MACROD2: variants seen among roughly 807,000 people sequenced by gnomAD.
MACROD2 encodes mono-ADP ribosylhydrolase 2.
In MACROD2, 36 loss-of-function variants were observed where a neutral mutation model predicts 70.4. The ratio of observed to expected loss-of-function variants is 0.51; its 90% CI spans 0.39 to 0.68. MACROD2 has a LOEUF of 0.68. MACROD2 is among the 30% of genes least tolerant of loss of function. The probability of loss-of-function intolerance (pLI) is 0.00; values close to 1 mark genes in which losing one functional copy is unlikely to be tolerated. For synonymous variants in MACROD2, 172 were observed against 178.8 expected, an observed-to-expected ratio of 0.96 and a Z score of 0.30; for missense variants, 496 against 538.4, an observed-to-expected ratio of 0.92 and a Z score of 0.78.
chr20:14,288,562 G>T (rs928878277), intron 3 of MACROD2, among the ~76,000 whole-genome samples: 2 of 152,138 alleles, frequency 1.3e-5, no homozygotes, highest in Non-Finnish European at 2.9e-5. Context: ...GACAGGAGCT[G>T]GTCTCTTCAG....
rs1404105619 is a variant in MACROD2 at position 14,406,314 on chromosome 20, A to G, written c.272-87165A>G. Among the ~76,000 whole-genome samples the G allele has an allele frequency of 2.0e-5, 3 of 152,236 alleles. No homozygotes were observed. In the South Asian group the frequency reaches 6.2e-4, roughly 31 times the overall value. Reference sequence around the variant, plus strand: ...TAAAATTATTTAAATATCACCTTTTACCTATGGAAAAGGCAAATATGTATT... The same window carrying G: ...TAAAATTATTTAAATATCACCTTTTGCCTATGGAAAAGGCAAATATGTATT... On this transcript the variant is annotated intron_variant, in intron 3 of 17. Coordinates refer to ENST00000684519, the MANE Select transcript of MACROD2 (RefSeq NM_001351661.2).
intron 6 of MACROD2, among the ~76,000 whole-genome samples, chr20:15,357,798 CTTTTT>C (rs200860242): frequency 7.4e-6 from 1 of 135,638 alleles, no homozygotes; most frequent in Non-Finnish European, 1.6e-5. Flanking sequence ...TTCATTCATT[CTTTTT>C]TTTTTTTTTT....
intron 2 of MACROD2, among the ~76,000 whole-genome samples, chr20:14,010,351 G>C (rs1220487070): frequency 6.6e-6 from 1 of 152,022 alleles, no homozygotes; most frequent in African/African-American, 2.4e-5. Flanking sequence ...TTAGGAGGAT[G>C]GGGGGCTGGT....
At chr20:14,633,530 C>T (rs1295089201) in intron 4 of MACROD2, among the ~76,000 whole-genome samples, 4 of 152,126 alleles carry the variant, frequency 2.6e-5, no homozygotes, top group African/African-American at 9.7e-5. Context: ...TATATTGCCA[C>T]CTGGATGGGC....
intron 5 of MACROD2, among the ~76,000 whole-genome samples, chr20:14,689,161 A>G (rs185293325): frequency 8.7e-4 from 132 of 152,258 alleles, no homozygotes; most frequent in Non-Finnish European, 1.7e-3. Context: ...AGATACCTAC[A>G]TGGCTTGTTC....
chr20:15,944,794 T>C (rs138838380), intron 12 of MACROD2, among the ~76,000 whole-genome samples: 1 of 152,300 alleles, frequency 6.6e-6, no homozygotes, highest in African/African-American at 2.4e-5. Flanking sequence ...TAAAAAATAT[T>C]ACATATAATC....
At chr20:14,190,892 A>G (rs1000182967) in intron 3 of MACROD2, among the ~76,000 whole-genome samples, 5 of 150,762 alleles carry the variant, frequency 3.3e-5, no homozygotes, top group Non-Finnish European at 5.9e-5. Flanking sequence ...TATTTTTAGT[A>G]GAGACAGGGT....
chr20:14,607,464 T>C (rs62202910), intron 4 of MACROD2, among the ~76,000 whole-genome samples: 28,594 of 152,130 alleles, frequency 0.19, 3,361 homozygotes, highest in Non-Finnish European at 0.26. Context: ...AAGGCAGTTA[T>C]GTCTCAACTG....
At chr20:15,537,520 C>A (rs2047893660) in intron 8 of MACROD2, among the ~76,000 whole-genome samples, 1 of 136,518 alleles carries the variant, frequency 7.3e-6, no homozygotes, top group Admixed American at 8.1e-5. Context: ...GTTGCCCAGG[C>A]TGGGGTGCAA....
intron 8 of MACROD2, among the ~76,000 whole-genome samples, chr20:15,697,001 C>A (rs988605674): frequency 6.6e-6 from 1 of 151,952 alleles, no homozygotes; most frequent in African/African-American, 2.4e-5. Context: ...TCTCAAAGAA[C>A]CAGCTTTTGT....
chr20:14,582,793 A>C (rs978827411), intron 4 of MACROD2, among the ~76,000 whole-genome samples: 4 of 152,096 alleles, frequency 2.6e-5, no homozygotes, highest in African/African-American at 7.2e-5. Context: ...TGAGCATCAG[A>C]TGTTTGAAAC....
chr20:15,835,326 C>T (rs1294052907), intron 8 of MACROD2, among the ~76,000 whole-genome samples: 1 of 151,970 alleles, frequency 6.6e-6, no homozygotes, highest in Non-Finnish European at 1.5e-5. Flanking sequence ...ATTTCTTCCT[C>T]CCCCCTTTTC....
chr20:14,627,458 T>G (rs1984245858), intron 4 of MACROD2, among the ~76,000 whole-genome samples: 1 of 152,146 alleles, frequency 6.6e-6, no homozygotes, highest in Non-Finnish European at 1.5e-5. Flanking sequence ...CTGAGGTCTC[T>G]GTTGTAAGTG....
At chr20:15,044,236 G>A (rs898919083) in intron 5 of MACROD2, among the ~76,000 whole-genome samples, 6 of 152,092 alleles carry the variant, frequency 3.9e-5, no homozygotes, top group South Asian at 2.1e-4. Context: ...ATAATCTCAG[G>A]TGTGGTTAAA....
intron 3 of MACROD2, among the ~76,000 whole-genome samples, chr20:14,301,154 G>A (rs887663211): frequency 2.6e-5 from 4 of 152,052 alleles, no homozygotes; most frequent in African/African-American, 9.7e-5. Context: ...CCTAGTAGGT[G>A]GTAGACTTAG....
At chr20:14,680,569 T>A (rs1376468265) in intron 4 of MACROD2, among the ~76,000 whole-genome samples, 1 of 152,200 alleles carries the variant, frequency 6.6e-6, no homozygotes, top group Non-Finnish European at 1.5e-5. Context: ...TAGAATCTTC[T>A]AAGATAATAG....
intron 4 of MACROD2, among the ~76,000 whole-genome samples, chr20:14,648,424 A>G (rs1298229803): frequency 6.6e-6 from 1 of 152,186 alleles, no homozygotes; most frequent in Non-Finnish European, 1.5e-5. Flanking sequence ...TCTTCCTGAA[A>G]TCTCTGTATT....
intron 8 of MACROD2, among the ~76,000 whole-genome samples, chr20:15,721,938 A>C (rs994601717): frequency 6.6e-6 from 1 of 152,180 alleles, no homozygotes; most frequent in Non-Finnish European, 1.5e-5. Flanking sequence ...GTCCCTAAAA[A>C]TACAGCATGT....
chr20:14,985,944 A>G (rs2074844838), intron 5 of MACROD2, among the ~76,000 whole-genome samples: 2 of 151,960 alleles, frequency 1.3e-5, no homozygotes, highest in Non-Finnish European at 1.5e-5. Flanking sequence ...CTGCAGAAAT[A>G]CCAATTATTA....
Sources: gnomAD v4.1 joint callset for allele counts (sites outside exome capture counted in the v4.1 genomes callset) on GRCh38, gnomAD v4.1.1 for gene constraint, MANE v1.5 for transcripts, NCBI Gene and HGNC (gene_info 2026-07-23, HGNC 2026-07-21) for gene names.